CSMD1: variants seen among roughly 807,000 people sequenced by gnomAD.
CSMD1 encodes the protein CUB and sushi domain-containing protein 1.
A neutral mutation model predicts 417.5 loss-of-function variants in CSMD1; 213 were observed. The ratio of observed to expected loss-of-function variants is 0.51; its 90% CI spans 0.46 to 0.57. The LOEUF (loss-of-function observed/expected upper bound fraction) is 0.57. Among genes scored for constraint, CSMD1 ranks in the 20% least tolerant of loss-of-function variants. The pLI, the probability that CSMD1 is intolerant of heterozygous loss-of-function variation, is 0.00. For missense variants in CSMD1, 6,923 were observed against 4,529.7 expected (o/e 1.53, Z -15.17); for synonymous variants, 2,862 against 1,736.8 (o/e 1.65, Z -16.11).
intron 23 of CSMD1, among the ~76,000 whole-genome samples, chr8:3,334,068 A>C (rs968886829): frequency 6.6e-6 from 1 of 152,196 alleles, no homozygotes; most frequent in African/African-American, 2.4e-5. Context: ...AGGGAGGTGA[A>C]GGCATTGAAA....
chr8:4,353,532 T>G (rs1370399339), intron 3 of CSMD1, among the ~76,000 whole-genome samples: 3 of 151,950 alleles, frequency 2.0e-5, no homozygotes, highest in Non-Finnish European at 2.9e-5. Context: ...AATATAAAAA[T>G]CAGACCTTTC....
chr8:4,695,559 G>C (rs1223337555), intron 1 of CSMD1, among the ~76,000 whole-genome samples: 1 of 152,084 alleles, frequency 6.6e-6, no homozygotes, highest in Admixed American at 6.6e-5. Flanking sequence ...AAAATGAAGA[G>C]GAAGATACAG....
chr8:4,572,500 G>A (rs1237973152), intron 2 of CSMD1, among the ~76,000 whole-genome samples: 4 of 152,134 alleles, frequency 2.6e-5, no homozygotes, highest in Non-Finnish European at 4.4e-5. Flanking sequence ...TTAGTCTGAC[G>A]GGCTTGCCTT....
intron 25 of CSMD1, among the ~76,000 whole-genome samples, chr8:3,299,552 C>G (rs1015275372): frequency 8.7e-6 from 1 of 114,548 alleles, no homozygotes; most frequent in East Asian, 2.3e-4. Context: ...GCACAGTGTC[C>G]CAAGGTCTGG....
chr8:3,853,231 C>A (rs1804037817), intron 5 of CSMD1, among the ~76,000 whole-genome samples: 1 of 152,126 alleles, frequency 6.6e-6, no homozygotes, highest in Non-Finnish European at 1.5e-5. Flanking sequence ...TTGGTTCTTC[C>A]TTTTGGGGAT....
Position 2,965,771 on chromosome 8 carries a change from A to C in CSMD1, c.9280+4T>G. 6.3e-7 allele frequency: 1 copy of C among 1,598,324 alleles called. No homozygotes were observed. Among genetic ancestry groups the C allele is most frequent in the Non-Finnish European group, 8.5e-7 (1 of 1,171,562 alleles). Reference sequence around the variant, plus strand: ...TGTAAAATCCAAAGAGTCACCAAACAAACCTTTGCAGACAGGTTTGCTCGG... The same window carrying C: ...TGTAAAATCCAAAGAGTCACCAAACCAACCTTTGCAGACAGGTTTGCTCGG... On this transcript the variant is annotated splice_donor_region_variant and intron_variant, in intron 59 of 69. Transcript: ENST00000635120.
chr8:3,571,310 G>A (rs1270326025), intron 10 of CSMD1, among the ~76,000 whole-genome samples: 2 of 152,168 alleles, frequency 1.3e-5, no homozygotes, highest in Non-Finnish European at 2.9e-5. Context: ...ATGGACAGTA[G>A]GCACCTTGCT....
intron 3 of CSMD1, among the ~76,000 whole-genome samples, chr8:4,047,098 TGAAGCTGTGGCTTCAATG>T (rs1798186928): frequency 1.3e-5 from 2 of 152,180 alleles, no homozygotes; most frequent in African/African-American, 4.8e-5. Flanking sequence ...TCTATGGCAT[TGAAGCTGTGGCTTCAATG>T]GAAGCTGTGG....
chr8:3,797,483 A>G (rs907969489), intron 5 of CSMD1, among the ~76,000 whole-genome samples: 5 of 151,898 alleles, frequency 3.3e-5, no homozygotes, highest in African/African-American at 1.2e-4. Flanking sequence ...CCATAAATTC[A>G]TTACATCTGA....
intron 10 of CSMD1, among the ~76,000 whole-genome samples, chr8:3,494,383 G>C (rs148585487): frequency 6.3e-4 from 96 of 152,218 alleles, no homozygotes; most frequent in Non-Finnish European, 1.3e-3. Flanking sequence ...CCTGAAAGAA[G>C]AAATGCTTCC....
chr8:3,493,498 T>G lies in CSMD1; in HGVS notation c.1448+125A>C, dbSNP rs370559934. On this transcript the variant is annotated intron_variant, in intron 11 of 69. Transcript: ENST00000635120. ...AAAATGAGATTGCAGGCCACTACAT[T>G]AGCCATAGATGGCACTAAGCAAACA... 294 of 664,088 alleles carry G rather than the reference T, an allele frequency of 4.4e-4. No individual in the cohort carries two copies. In the African/African-American group the frequency reaches 4.7e-3, roughly 11 times the overall value. 41.1% of individuals were successfully genotyped at this position (664,088 alleles called of 1,614,324 possible). A position where few individuals can be genotyped will look rare whatever the true frequency, so the allele number is the denominator to read the frequency against.
intron 4 of CSMD1, among the ~76,000 whole-genome samples, chr8:4,009,995 TC>T (rs1816419396): frequency 6.6e-6 from 1 of 152,314 alleles, no homozygotes; most frequent in African/African-American, 2.4e-5. Flanking sequence ...GACCCCCTAA[TC>T]TTAATTCTTC....
intron 3 of CSMD1, among the ~76,000 whole-genome samples, chr8:4,264,135 A>G (rs895156994): frequency 1.3e-5 from 2 of 152,194 alleles, no homozygotes; most frequent in African/African-American, 4.8e-5. Flanking sequence ...GGTAAAGAAT[A>G]CAACACCTAC....
chr8:3,406,562 C>A (rs1327112791), intron 14 of CSMD1, among the ~76,000 whole-genome samples: 3 of 152,064 alleles, frequency 2.0e-5, no homozygotes, highest in African/African-American at 7.2e-5. Flanking sequence ...AGAATCCTGA[C>A]TTTTTTTCTT....
At chr8:4,312,527 T>A (rs973000074) in intron 3 of CSMD1, among the ~76,000 whole-genome samples, 17 of 150,744 alleles carry the variant, frequency 1.1e-4, no homozygotes, top group African/African-American at 3.9e-4. Flanking sequence ...TGTTACTTAT[T>A]GAGAATGATG....
chr8:4,378,186 A>AT (rs1409421217), intron 3 of CSMD1, among the ~76,000 whole-genome samples: 7 of 152,192 alleles, frequency 4.6e-5, no homozygotes, highest in African/African-American at 1.7e-4. Context: ...TGCGACTCTA[A>AT]TCGGCGTCCA....
chr8:4,053,832 G>A (rs148141144), intron 3 of CSMD1, among the ~76,000 whole-genome samples: 1 of 151,928 alleles, frequency 6.6e-6, no homozygotes, highest in African/African-American at 2.4e-5. Flanking sequence ...ATGTTCAGTA[G>A]CTTTTACTAG....
intron 39 of CSMD1, among the ~76,000 whole-genome samples, chr8:3,151,794 G>C (rs1433523841): frequency 6.6e-6 from 1 of 152,146 alleles, no homozygotes; most frequent in African/African-American, 2.4e-5. Flanking sequence ...TGTAATGTTT[G>C]CGTCACAGTC....
chr8:3,158,826 A>G (rs942848314), intron 38 of CSMD1, among the ~76,000 whole-genome samples: 2 of 152,036 alleles, frequency 1.3e-5, no homozygotes, highest in Non-Finnish European at 2.9e-5. Flanking sequence ...GCCACCCACA[A>G]TTGGCATAGA....
Sources: gnomAD v4.1 joint callset for allele counts (sites outside exome capture counted in the v4.1 genomes callset) on GRCh38, gnomAD v4.1.1 for gene constraint, MANE v1.5 for transcripts, NCBI Gene and HGNC (gene_info 2026-07-23, HGNC 2026-07-21) for gene names.